Variants in PCMTD1 observed in about 807,000 individuals in gnomAD.
PCMTD1 encodes the protein protein-L-isoaspartate (D-aspartate) O-methyltransferase domain containing 1.
In PCMTD1, 12 loss-of-function variants were observed where a neutral mutation model predicts 37.6. The ratio of observed to expected loss-of-function variants is 0.32; its 90% CI spans 0.20 to 0.52. PCMTD1 has a LOEUF of 0.52. Among genes scored for constraint, PCMTD1 ranks in the 20% least tolerant of loss-of-function variants. The pLI is 0.97. For missense variants in PCMTD1, 235 were observed against 421.3 expected, an observed-to-expected ratio of 0.56 and a Z score of 3.87; for synonymous variants, 117 against 135.8, an observed-to-expected ratio of 0.86 and a Z score of 0.96.
At chr8:51,899,185 C>A, upstream of PCMTD1, 3 of 1,261,726 alleles carry the variant, frequency 2.4e-6, no homozygotes, top group South Asian at 2.0e-5. Flanking sequence ...ACGCCCCCAT[C>A]TGGCCCCGCC....
At position 51,820,258 on chromosome 8, in the gene PCMTD1, T is replaced by C. The variant is rs2037823413; in HGVS notation, c.*93A>G. The C allele has an allele frequency of 1.6e-6, 2 of 1,225,722 alleles. No individual in the cohort carries two copies. The highest frequency in any genetic ancestry group is 3.5e-5 in the Admixed American group (1 of 28,662). The allele number at this position is 1,225,722 out of a possible 1,614,324, so 75.9% of individuals were successfully genotyped here. The stretch of plus-strand genomic sequence containing the variant: ...TTTTTTCCACTATAATTTGCTCTGA[T>C]GAAAGAAATAATTCTCTCTTTTAAC... On this transcript the variant is annotated 3_prime_UTR_variant, in exon 6 of 6. Transcript: ENST00000522514.
At chr8:51,884,048 G>C (rs1339825268) in intron 1 of PCMTD1, among the ~76,000 whole-genome samples, 1 of 152,106 alleles carries the variant, frequency 6.6e-6, no homozygotes, top group Non-Finnish European at 1.5e-5. Context: ...CGTGTCTTGA[G>C]TTTCTTTTCA....
intron 1 of PCMTD1, among the ~76,000 whole-genome samples, chr8:51,880,184 A>G (rs781678782): frequency 6.8e-6 from 1 of 147,322 alleles, no homozygotes; most frequent in Non-Finnish European, 1.5e-5. Flanking sequence ...TGGGCAACAC[A>G]GCAAGATCCT....
chr8:51,822,162 T>C (rs896683543), intron 5 of PCMTD1, among the ~76,000 whole-genome samples: 2 of 152,138 alleles, frequency 1.3e-5, no homozygotes, highest in Non-Finnish European at 2.9e-5. Flanking sequence ...TAAATGAGCT[T>C]AGCATGTCCA....
chr8:51,817,882 A>T lies in PCMTD1; in HGVS notation c.*2469T>A, dbSNP rs977571192. On this transcript the variant is annotated 3_prime_UTR_variant, in exon 6 of 6. Transcript: ENST00000522514. ...TTAGGCCCTGTCTCTAACTCACTGT[A>T]TGTTTCAGGCAAAACATGCCACGGT... is the stretch of plus-strand genomic sequence containing the variant. 4 of 456,706 alleles carry T rather than the reference A, an allele frequency of 8.8e-6. No individual in the cohort carries two copies. The highest frequency in any genetic ancestry group is 1.3e-5 in the Non-Finnish European group (3 of 226,996). 28.3% of individuals were successfully genotyped at this position (456,706 alleles called of 1,614,324 possible).
At chr8:51,835,281 T>C (rs2038053393) in intron 3 of PCMTD1, among the ~76,000 whole-genome samples, 1 of 152,222 alleles carries the variant, frequency 6.6e-6, no homozygotes, top group African/African-American at 2.4e-5. Flanking sequence ...CCCTTCAAGA[T>C]ATAGTTGAAA....
intron 5 of PCMTD1, chr8:51,827,112 C>A (rs1563335438): frequency 5.0e-6 from 5 of 1,006,120 alleles, no homozygotes; most frequent in Non-Finnish European, 6.0e-6. Context: ...TACACACCCA[C>A]AAAAACTTAT....
chr8:51,832,772 C>T (rs552472094), intron 4 of PCMTD1, among the ~76,000 whole-genome samples: 17 of 151,982 alleles, frequency 1.1e-4, no homozygotes, highest in Non-Finnish European at 2.1e-4. Context: ...TGAGTCTATT[C>T]GGTACTAATG....
At position 51,845,228 on chromosome 8, in the gene PCMTD1, C is replaced by A. The variant is rs115477363; in HGVS notation, c.410+433G>T. 2.1e-3 allele frequency: 330 copies of A among 154,988 alleles called. 2 individuals carry two copies. Among genetic ancestry groups the A allele is most frequent in the African/African-American group, 7.5e-3 (311 of 41,592 alleles). The allele number at this position is 154,988 out of a possible 1,614,324, so 9.6% of individuals were successfully genotyped here. A position where few individuals can be genotyped will look rare whatever the true frequency, so the allele number is the denominator to read the frequency against. On this transcript the variant is annotated intron_variant, in intron 3 of 5. Transcript: ENST00000522514. ...TATCAATGTATTTCTATGATCATTT[C>A]TTCTGGATATATTACAAAGTAGCTG...
chr8:51,846,601 C>T (rs1399991936), intron 2 of PCMTD1, among the ~76,000 whole-genome samples: 1 of 152,178 alleles, frequency 6.6e-6, no homozygotes, highest in Non-Finnish European at 1.5e-5. Context: ...ATTTTTGTTT[C>T]ACTTTGACAT....
intron 5 of PCMTD1, among the ~76,000 whole-genome samples, chr8:51,821,751 T>C (rs1183210076): frequency 6.6e-6 from 1 of 151,904 alleles, no homozygotes; most frequent in East Asian, 1.9e-4. Context: ...TTTTTTTTTT[T>C]TTTTGAGACG....
At chr8:51,867,688 A>C (rs767586687) in intron 1 of PCMTD1, among the ~76,000 whole-genome samples, 1 of 152,040 alleles carries the variant, frequency 6.6e-6, no homozygotes, top group Admixed American at 6.6e-5. Flanking sequence ...ACTAAGTCAT[A>C]AGACATACTA....
intron 1 of PCMTD1, among the ~76,000 whole-genome samples, chr8:51,897,658 A>G (rs530022678): frequency 6.6e-6 from 1 of 152,350 alleles, no homozygotes; most frequent in South Asian, 2.1e-4. Flanking sequence ...CTGGCCGCAG[A>G]CATTCTGAAA....
At chr8:51,866,014 TAAC>T (rs2038549792) in intron 1 of PCMTD1, among the ~76,000 whole-genome samples, 1 of 151,494 alleles carries the variant, frequency 6.6e-6, no homozygotes, top group African/African-American at 2.4e-5. Flanking sequence ...TTCTTTACAC[TAAC>T]AACAAATGAT....
In PCMTD1 at chr8:51,859,238, C is replaced by T. The variant is rs565958706; in HGVS notation, c.307+1607G>A. Among the ~76,000 whole-genome samples, 3 of 152,072 alleles carry T rather than the reference C, an allele frequency of 2.0e-5. No homozygotes were observed. In the South Asian group the frequency reaches 6.2e-4, roughly 32 times the overall value. ...AAATGTTCAAGGACAGCAATTCCCCCCTCTTTTTTTTTTTAAAGAAGCAAC... is the reference window on the plus strand; with the variant it reads ...AAATGTTCAAGGACAGCAATTCCCCTCTCTTTTTTTTTTTAAAGAAGCAAC... On this transcript the variant is annotated intron_variant, in intron 2 of 5. Coordinates refer to ENST00000522514, the MANE Select transcript of PCMTD1 (RefSeq NM_052937.4).
rs552870253 is a variant in PCMTD1, at chr8:51,860,041, T to G, written c.307+804A>C. Among the ~76,000 whole-genome samples the G allele has an allele frequency of 2.0e-5, 3 of 152,324 alleles. No individual in the cohort carries two copies. In the South Asian group the frequency reaches 6.2e-4, roughly 32 times the overall value. On this transcript the variant is annotated intron_variant, in intron 2 of 5. Transcript: ENST00000522514. ...GTTGGTCATCCTCCATCCAACATAA[T>G]GTCTTATAGCAGATTTTCCTCCACC...
upstream of PCMTD1, chr8:51,899,118 A>T: frequency 7.0e-7 from 1 of 1,434,198 alleles, no homozygotes; most frequent in Non-Finnish European, 9.1e-7. Flanking sequence ...GCATGCGCAG[A>T]GAACCACGGG....
In PCMTD1 at chr8:51,819,163, T is replaced by C. The variant is rs2037808471; in HGVS notation, c.*1188A>G. ...ATATTAAGTAAAAAATGAAAACCAT[T>C]ATAGTTTTACCAAAAGAAACACAAA... is the stretch of plus-strand genomic sequence containing the variant. On this transcript the variant is annotated 3_prime_UTR_variant, in exon 6 of 6. Transcript: ENST00000522514. 1 of 152,072 alleles carries C rather than the reference T, an allele frequency of 6.6e-6. No homozygotes were observed. The highest frequency in any genetic ancestry group is 2.1e-4 in the South Asian group (1 of 4,826). 9.4% of individuals were successfully genotyped at this position (152,072 alleles called of 1,614,324 possible).
chr8:51,822,471 G>C (rs2129272528), intron 5 of PCMTD1, among the ~76,000 whole-genome samples: 1 of 152,326 alleles, frequency 6.6e-6, no homozygotes, highest in South Asian at 2.1e-4. Flanking sequence ...AACAGGTTGA[G>C]AAGAAAATTT....
Sources: gnomAD v4.1 joint callset for allele counts (sites outside exome capture counted in the v4.1 genomes callset) on GRCh38, gnomAD v4.1.1 for gene constraint, MANE v1.5 for transcripts, NCBI Gene and HGNC (gene_info 2026-07-23, HGNC 2026-07-21) for gene names.